The following DCC variants were observed in gnomAD, a reference collection of about 807,000 sequenced individuals.
DCC encodes the protein DCC netrin 1 receptor, also known as netrin receptor DCC.
A neutral mutation model predicts 172.5 loss-of-function variants in DCC; 58 were observed. That is an observed-to-expected ratio of 0.34 (90% CI 0.27 to 0.42). The LOEUF (loss-of-function observed/expected upper bound fraction) is 0.42, where lower values mean the gene tolerates loss of function less well. Among genes scored for constraint, DCC ranks in the 10% least tolerant of loss-of-function variants. The pLI is 1.00. For synonymous variants in DCC, 709 were observed against 644.5 expected (o/e 1.10, Z -1.52); for missense variants, 1,740 against 1,791.0 (o/e 0.97, Z 0.51).
intron 7 of DCC, among the ~76,000 whole-genome samples, chr18:53,089,594 A>T (rs28681361): frequency 1.8e-5 from 2 of 110,694 alleles, no homozygotes; most frequent in African/African-American, 7.0e-5. Context: ...AAACCAAAAA[A>T]CAAAAAACAA....
rs550604373 is a variant in DCC at position 52,358,747 on chromosome 18, C to G, written c.91+17869C>G. The stretch of plus-strand genomic sequence containing the variant: ...AAGAGCTATGTCATAAACCAGTTAT[C>G]TTCTGCTAGGCATCTTCACATGTCT... On this transcript the variant is annotated intron_variant, in intron 1 of 28. Transcript: ENST00000442544. 5.3e-5 allele frequency among the ~76,000 whole-genome samples: 8 copies of G among 152,310 alleles called. No homozygotes were observed. The South Asian group carries it at 1.0e-3, about 20-fold the overall frequency.
intron 5 of DCC, among the ~76,000 whole-genome samples, chr18:52,968,947 G>A (rs1378147968): frequency 6.6e-6 from 1 of 151,626 alleles, no homozygotes; most frequent in Non-Finnish European, 1.5e-5. Context: ...TCCCCCTTCG[G>A]ATGAGACTCT....
intron 25 of DCC, among the ~76,000 whole-genome samples, chr18:53,468,334 T>C (rs1352101266): frequency 3.1e-5 from 2 of 65,334 alleles, no homozygotes. Context: ...ATCATCTCCA[T>C]AGTTTATTTT....
intron 1 of DCC, among the ~76,000 whole-genome samples, chr18:52,521,499 C>T (rs75910784): frequency 0.02 from 3,048 of 152,208 alleles, 105 homozygotes; most frequent in East Asian, 0.096. Context: ...CAGATGGCCA[C>T]CTTCTTACTG....
chr18:52,747,831 A>G (rs1709517785), intron 1 of DCC, among the ~76,000 whole-genome samples: 1 of 152,216 alleles, frequency 6.6e-6, no homozygotes, highest in South Asian at 2.1e-4. Context: ...TGTCAATGTA[A>G]TGTATTCGTG....
chr18:52,438,494 T>C (rs140599416), intron 1 of DCC, among the ~76,000 whole-genome samples: 190 of 152,348 alleles, frequency 1.2e-3, no homozygotes, highest in Middle Eastern at 3.4e-3. Flanking sequence ...TCATAGAGTA[T>C]CTTCCCATTG....
chr18:52,434,335 C>T (rs1380705939), intron 1 of DCC, among the ~76,000 whole-genome samples: 1 of 152,148 alleles, frequency 6.6e-6, no homozygotes, highest in African/African-American at 2.4e-5. Context: ...ACCAAACATG[C>T]TACTAAACAT....
intron 7 of DCC, among the ~76,000 whole-genome samples, chr18:53,140,559 T>C (rs1370336453): frequency 1.3e-5 from 2 of 152,180 alleles, no homozygotes; most frequent in South Asian, 2.1e-4. Context: ...TTCATATCCT[T>C]ATCATTTAAA....
At chr18:52,976,368 A>G (rs1436747091) in intron 5 of DCC, among the ~76,000 whole-genome samples, 1 of 151,912 alleles carries the variant, frequency 6.6e-6, no homozygotes, top group Non-Finnish European at 1.5e-5. Context: ...CCTACTTGTC[A>G]ATTTTTGCTT....
chr18:53,046,574 G>C (rs2042241559), intron 5 of DCC, among the ~76,000 whole-genome samples: 1 of 151,766 alleles, frequency 6.6e-6, no homozygotes, highest in Admixed American at 6.6e-5. Context: ...ATATAGAAGA[G>C]ATCAACATAA....
At chr18:53,229,176 G>T (rs534070435) in intron 12 of DCC, among the ~76,000 whole-genome samples, 1 of 152,210 alleles carries the variant, frequency 6.6e-6, no homozygotes, top group South Asian at 2.1e-4. Flanking sequence ...CCACACTTTT[G>T]TAATGGAATA....
chr18:53,216,359 T>C (rs1190251313), intron 12 of DCC, among the ~76,000 whole-genome samples: 1 of 152,156 alleles, frequency 6.6e-6, no homozygotes, highest in East Asian at 1.9e-4. Flanking sequence ...TGTGAGGAAA[T>C]TGGCCTAAAT....
chr18:52,777,892 TGGAAA>T (rs2037462732), intron 2 of DCC, among the ~76,000 whole-genome samples: 1 of 151,792 alleles, frequency 6.6e-6, no homozygotes, highest in Non-Finnish European at 1.5e-5. Flanking sequence ...GATGGAAAAA[TGGAAA>T]GGAGAGCTAA....
At chr18:52,572,711 A>C (rs2033327682) in intron 1 of DCC, among the ~76,000 whole-genome samples, 2 of 152,156 alleles carry the variant, frequency 1.3e-5, no homozygotes, top group Non-Finnish European at 2.9e-5. Flanking sequence ...CAGACCAAGA[A>C]TCTTGTGTAC....
chr18:52,624,474 A>C (rs1450581969), intron 1 of DCC, among the ~76,000 whole-genome samples: 1 of 152,084 alleles, frequency 6.6e-6, no homozygotes, highest in African/African-American at 2.4e-5. Flanking sequence ...TCGCACTTAA[A>C]CTTCTGTGGG....
chr18:52,528,289 CAT>C (rs936186972), intron 1 of DCC, among the ~76,000 whole-genome samples: 1 of 152,062 alleles, frequency 6.6e-6, no homozygotes, highest in African/African-American at 2.4e-5. Flanking sequence ...TACATATGTG[CAT>C]ATATATATTC....
At chr18:52,486,703 T>A (rs192566720) in intron 1 of DCC, among the ~76,000 whole-genome samples, 8 of 152,136 alleles carry the variant, frequency 5.3e-5, no homozygotes, top group East Asian at 3.9e-4. Context: ...AATCTGCGAG[T>A]CTTATATCTG....
intron 18 of DCC, among the ~76,000 whole-genome samples, chr18:53,398,995 T>C (rs1407998886): frequency 1.3e-5 from 2 of 152,092 alleles, no homozygotes; most frequent in Non-Finnish European, 2.9e-5. Context: ...ATAAAGACCA[T>C]ATGGGGCTAC....
chr18:53,102,923 G>T (rs1468111371), intron 7 of DCC, among the ~76,000 whole-genome samples: 3 of 152,030 alleles, frequency 2.0e-5, no homozygotes, highest in African/African-American at 7.2e-5. Context: ...CGATTGCCTG[G>T]ATTATTTCAT....
Sources: gnomAD v4.1 joint callset for allele counts (sites outside exome capture counted in the v4.1 genomes callset) on GRCh38, gnomAD v4.1.1 for gene constraint, MANE v1.5 for transcripts, NCBI Gene and HGNC (gene_info 2026-07-23, HGNC 2026-07-21) for gene names.